The following TMEM178B variants were observed in gnomAD, a reference collection of about 807,000 sequenced individuals.
The protein encoded by TMEM178B is transmembrane protein 178B.
Under a neutral mutation model 31.0 loss-of-function variants are expected in TMEM178B, and 5 were observed. The ratio of observed to expected loss-of-function variants is 0.16; its 90% confidence interval spans 0.08 to 0.34. The LOEUF (loss-of-function observed/expected upper bound fraction) is 0.34. TMEM178B is among the 10% of genes least tolerant of loss of function. TMEM178B has a pLI of 1.00. For missense variants in TMEM178B, 275 were observed against 400.3 expected, an observed-to-expected ratio of 0.69 and a Z score of 2.67; for synonymous variants, 164 against 164.0, an observed-to-expected ratio of 1.00 and a Z score of 0.00.
chr7:141,341,166 G>A (rs1201029546), intron 2 of TMEM178B, among the ~76,000 whole-genome samples: 1 of 152,142 alleles, frequency 6.6e-6, no homozygotes, highest in African/African-American at 2.4e-5. Context: ...CTGGAGAGAG[G>A]GATGCAAACT....
At chr7:141,135,592 A>G (rs1198545770) in intron 1 of TMEM178B, among the ~76,000 whole-genome samples, 2 of 152,224 alleles carry the variant, frequency 1.3e-5, no homozygotes, top group African/African-American at 4.8e-5. Flanking sequence ...TGGAAACTGT[A>G]CAAATGCATG....
rs189764786 is a variant in TMEM178B at position 141,172,574 on chromosome 7, C to T, written c.383-40017C>T. On this transcript the variant is annotated intron_variant, in intron 1 of 3. Coordinates refer to ENST00000565468, the MANE Select transcript of TMEM178B (RefSeq NM_001195278.2). ...GTCTAGCATCTACAAGGAGCAGGCT[C>T]GGTTTCAGAGCCTCTTGAGAAGTAA... Among the ~76,000 whole-genome samples the T allele has an allele frequency of 7.2e-5, 11 of 152,300 alleles. No homozygotes were observed. The East Asian group carries it at 9.7e-4, about 13-fold the overall frequency.
At chr7:141,451,917 TC>T (rs1229967586) in intron 3 of TMEM178B, among the ~76,000 whole-genome samples, 2 of 152,208 alleles carry the variant, frequency 1.3e-5, no homozygotes, top group African/African-American at 4.8e-5. Context: ...TCCTGGCTGT[TC>T]CACCTGTCAC....
At chr7:141,091,986 C>T (rs1586763253) in intron 1 of TMEM178B, among the ~76,000 whole-genome samples, 2 of 152,290 alleles carry the variant, frequency 1.3e-5, no homozygotes, top group African/African-American at 4.8e-5. Flanking sequence ...CCTCAGCCTC[C>T]CAAAGTGCTG....
intron 2 of TMEM178B, among the ~76,000 whole-genome samples, chr7:141,390,696 G>C (rs1800518917): frequency 6.6e-6 from 1 of 152,210 alleles, no homozygotes; most frequent in Non-Finnish European, 1.5e-5. Flanking sequence ...ATTGAAGGCA[G>C]GTATCATAAC....
At chr7:141,166,495 T>C (rs1312685922) in intron 1 of TMEM178B, among the ~76,000 whole-genome samples, 1 of 152,178 alleles carries the variant, frequency 6.6e-6, no homozygotes, top group African/African-American at 2.4e-5. Flanking sequence ...GGAAGGTAGC[T>C]CCTTTGGAAA....
intron 1 of TMEM178B, among the ~76,000 whole-genome samples, chr7:141,102,462 G>A (rs1795074092): frequency 1.3e-5 from 2 of 152,160 alleles, no homozygotes; most frequent in African/African-American, 4.8e-5. Flanking sequence ...ACAGGGGTTG[G>A]TGTTCAACAT....
Position 141,199,101 on chromosome 7 carries a change from G to A in TMEM178B, c.383-13490G>A, listed in dbSNP as rs115225710. 4.0e-3 allele frequency among the ~76,000 whole-genome samples: 612 copies of A among 152,286 alleles called. 4 individuals carry two copies. Among genetic ancestry groups the A allele is most frequent in the African/African-American group, 0.014 (588 of 41,566 alleles). Reference sequence around the variant, plus strand: ...GCCATGAGGGGCACAGACGGAGACAGCTCATTCTTTATTTCCTCTTGTGAA... The same window carrying A: ...GCCATGAGGGGCACAGACGGAGACAACTCATTCTTTATTTCCTCTTGTGAA... On this transcript the variant is annotated intron_variant, in intron 1 of 3. Transcript: ENST00000565468.
intron 2 of TMEM178B, among the ~76,000 whole-genome samples, chr7:141,296,363 C>T (rs1476850265): frequency 3.9e-5 from 6 of 152,256 alleles, no homozygotes; most frequent in African/African-American, 1.4e-4. Context: ...CCACTGCACC[C>T]GGCCAGGAAG....
intron 2 of TMEM178B, among the ~76,000 whole-genome samples, chr7:141,430,800 T>C (rs1178298499): frequency 6.6e-6 from 1 of 152,156 alleles, no homozygotes; most frequent in Non-Finnish European, 1.5e-5. Context: ...ACTGATCCTT[T>C]AGGACAAAAA....
the TMEM178B span, among the ~76,000 whole-genome samples, chr7:141,507,352 C>T: frequency 6.6e-6 from 1 of 152,178 alleles, no homozygotes; most frequent in Non-Finnish European, 1.5e-5. Context: ...CATACATCTT[C>T]TGAAATCTAG....
At chr7:141,231,495 T>G (rs1038239273) in intron 2 of TMEM178B, among the ~76,000 whole-genome samples, 3 of 152,208 alleles carry the variant, frequency 2.0e-5, no homozygotes, top group African/African-American at 7.2e-5. Flanking sequence ...AATAAACACT[T>G]GCTTAGTAAA....
intron 1 of TMEM178B, among the ~76,000 whole-genome samples, chr7:141,168,850 C>G (rs1005773753): frequency 6.6e-6 from 1 of 151,878 alleles, no homozygotes; most frequent in Non-Finnish European, 1.5e-5. Flanking sequence ...TAATTTTTAT[C>G]GGGACATAAT....
At chr7:141,388,204 T>C (rs1800469724) in intron 2 of TMEM178B, among the ~76,000 whole-genome samples, 1 of 152,202 alleles carries the variant, frequency 6.6e-6, no homozygotes, top group African/African-American at 2.4e-5. Flanking sequence ...CAGGTGTGTC[T>C]TTGGCTCCTC....
intron 1 of TMEM178B, among the ~76,000 whole-genome samples, chr7:141,141,463 TC>T (rs1203913492): frequency 6.6e-6 from 1 of 152,146 alleles, no homozygotes. Flanking sequence ...ACTGGTGTGT[TC>T]CTCATTTGTT....
At chr7:141,347,095 C>T (rs1393727676) in intron 2 of TMEM178B, among the ~76,000 whole-genome samples, 1 of 152,184 alleles carries the variant, frequency 6.6e-6, no homozygotes, top group African/African-American at 2.4e-5. Flanking sequence ...TTGTAAGTTT[C>T]CTGAAGCTTC....
At chr7:141,405,378 C>A (rs1236473508) in intron 2 of TMEM178B, among the ~76,000 whole-genome samples, 1 of 152,226 alleles carries the variant, frequency 6.6e-6, no homozygotes, top group Non-Finnish European at 1.5e-5. Context: ...ATCATGGAGG[C>A]CTTTCCCCAA....
chr7:141,105,820 C>T (rs1795135393), intron 1 of TMEM178B, among the ~76,000 whole-genome samples: 1 of 151,946 alleles, frequency 6.6e-6, no homozygotes, highest in African/African-American at 2.4e-5. Context: ...TGGGGCCAGG[C>T]ATGGTGGCTC....
At chr7:141,408,941 C>A (rs1800933449) in intron 2 of TMEM178B, among the ~76,000 whole-genome samples, 1 of 152,216 alleles carries the variant, frequency 6.6e-6, no homozygotes, top group South Asian at 2.1e-4. Flanking sequence ...GTAGATCTGA[C>A]TGTCATGAAA....
Sources: gnomAD v4.1 joint callset for allele counts (sites outside exome capture counted in the v4.1 genomes callset) on GRCh38, gnomAD v4.1.1 for gene constraint, MANE v1.5 for transcripts, NCBI Gene and HGNC (gene_info 2026-07-23, HGNC 2026-07-21) for gene names.